NOS1: variants seen among roughly 807,000 people sequenced by gnomAD.
NOS1 encodes NOS type I.
In NOS1, 51 loss-of-function variants were observed where a neutral mutation model predicts 164.5. That is an observed-to-expected ratio of 0.31 (90% confidence interval 0.25 to 0.39). The LOEUF is 0.39. Among genes scored for constraint, NOS1 ranks in the 10% least tolerant of loss-of-function variants. The pLI is 1.00. For missense variants in NOS1, 1,362 were observed against 1,885.6 expected (o/e 0.72, Z 5.14); for synonymous variants, 719 against 745.8 (o/e 0.96, Z 0.59).
At chr12:117,338,468 T>C (rs972478657) in intron 1 of NOS1, among the ~76,000 whole-genome samples, 1 of 95,488 alleles carries the variant, frequency 1.0e-5, no homozygotes, top group African/African-American at 4.4e-5. Context: ...TGGGGACTGT[T>C]GTGGGGTGGG....
Position 117,210,693 on chromosome 12 carries a change from G to C in NOS1, c.*4616C>G. On this transcript the variant is annotated 3_prime_UTR_variant, in exon 29 of 29. Transcript: ENST00000317775. Reference sequence around the variant, plus strand: ...CTCACTTGTTTTGAGCTTAGGGCAAGACCTGACCTCTTTCAAAGTCCAGAG... The same window carrying C: ...CTCACTTGTTTTGAGCTTAGGGCAACACCTGACCTCTTTCAAAGTCCAGAG... 1.0e-6 allele frequency: 1 copy of C among 985,450 alleles called. No individual in the cohort carries two copies. Among genetic ancestry groups the C allele is most frequent in the Non-Finnish European group, 1.2e-6 (1 of 829,952 alleles). The allele number at this position is 985,450 out of a possible 1,614,324, so 61.0% of individuals were successfully genotyped here.
chr12:117,301,152 G>C (rs1257086583), intron 3 of NOS1, among the ~76,000 whole-genome samples: 1 of 152,146 alleles, frequency 6.6e-6, no homozygotes, highest in African/African-American at 2.4e-5. Context: ...TCTTGAGATG[G>C]AGTCTCACTC....
At chr12:117,310,991 GAGTAGCTGGGACTAC>G (rs1874402941) in intron 3 of NOS1, among the ~76,000 whole-genome samples, 1 of 151,976 alleles carries the variant, frequency 6.6e-6, no homozygotes, top group Non-Finnish European at 1.5e-5. Context: ...TCAGCCTCCT[GAGTAGCTGGGACTAC>G]AGGCGCCCGC....
chr12:117,279,612 A>G lies in NOS1; in HGVS notation c.1524+1113T>C, dbSNP rs9658371. On this transcript the variant is annotated intron_variant, in intron 8 of 28. Transcript: ENST00000317775. ...ATGATTCTTTGTGCTTAGTAAAAAG[A>G]GGAAACACCAAATCATGGAACAGGA... 3.6e-3 allele frequency among the ~76,000 whole-genome samples: 554 copies of G among 152,324 alleles called. 4 individuals carry two copies. Among genetic ancestry groups the G allele is most frequent in the African/African-American group, 0.013 (533 of 41,582 alleles).
chr12:117,237,185 T>C (rs1869782625), intron 20 of NOS1, among the ~76,000 whole-genome samples: 1 of 151,828 alleles, frequency 6.6e-6, no homozygotes, highest in Non-Finnish European at 1.5e-5. Flanking sequence ...TGAGATGGAG[T>C]CTCTCTCTGT....
chr12:117,277,800 A>C (rs942431457), intron 9 of NOS1, among the ~76,000 whole-genome samples, 159 bp downstream of exon 9: 1 of 151,964 alleles, frequency 6.6e-6, no homozygotes, highest in Non-Finnish European at 1.5e-5. Context: ...GAGGGAACTC[A>C]CTCTGCCCAA....
rs778850458 is a variant in NOS1, at chr12:117,280,874, G to A, written c.1383-8C>T. ...AATATGGTGATGGCAGACCTGTGGTGGAGAGAGGGGAACACCCGGCATCAG... is the reference window on the plus strand; with the variant it reads ...AATATGGTGATGGCAGACCTGTGGTAGAGAGAGGGGAACACCCGGCATCAG... On this transcript the variant is annotated splice_polypyrimidine_tract_variant and splice_region_variant and intron_variant, in intron 7 of 28. Transcript: ENST00000317775. 2 of 1,613,436 alleles carry A rather than the reference G, an allele frequency of 1.2e-6. No homozygotes were observed. Among genetic ancestry groups the A allele is most frequent in the Non-Finnish European group, 1.7e-6 (2 of 1,179,628 alleles).
intron 13 of NOS1, 91 bp from the exon 14 acceptor site, chr12:117,260,700 A>G: frequency 7.2e-7 from 1 of 1,385,720 alleles, no homozygotes; most frequent in Admixed American, 2.0e-5. Flanking sequence ...ACCAGGATCC[A>G]TGAAATATAA....
intron 1 of NOS1, among the ~76,000 whole-genome samples, chr12:117,332,120 T>C (rs1875578082): frequency 6.6e-6 from 1 of 152,198 alleles, no homozygotes; most frequent in South Asian, 2.1e-4. Flanking sequence ...TGGAAGACAC[T>C]TGTGCTCCAC....
chr12:117,305,812 G>C (rs1002739655), intron 3 of NOS1, among the ~76,000 whole-genome samples: 6 of 148,962 alleles, frequency 4.0e-5, no homozygotes, highest in Non-Finnish European at 5.9e-5. Context: ...TTTTTCCTGA[G>C]GCGGAGTCTC....
chr12:117,260,203 A>G (rs920289773), intron 14 of NOS1, among the ~76,000 whole-genome samples: 2 of 152,108 alleles, frequency 1.3e-5, no homozygotes, highest in Non-Finnish European at 2.9e-5. Context: ...AGCTTCCCAA[A>G]CTGACCTCAG....
At chr12:117,341,589 T>C (rs539170015) in intron 1 of NOS1, among the ~76,000 whole-genome samples, 1 of 152,276 alleles carries the variant, frequency 6.6e-6, no homozygotes, top group African/African-American at 2.4e-5. Context: ...GTTCTTAAGT[T>C]CCTTCTATCC....
intron 22 of NOS1, among the ~76,000 whole-genome samples, chr12:117,229,539 T>C (rs1461658582): frequency 6.7e-6 from 1 of 149,880 alleles, no homozygotes; most frequent in East Asian, 1.9e-4. Flanking sequence ...AATGAACTAA[T>C]ACATATGGGT....
chr12:117,230,568 G>A (rs1403893953), intron 22 of NOS1, among the ~76,000 whole-genome samples: 1 of 152,154 alleles, frequency 6.6e-6, no homozygotes, highest in Non-Finnish European at 1.5e-5. Context: ...AGAAAGCTAA[G>A]CCATCCTGTG....
intron 28 of NOS1, among the ~76,000 whole-genome samples, chr12:117,217,213 G>A (rs1956625482): frequency 6.6e-6 from 1 of 152,166 alleles, no homozygotes; most frequent in African/African-American, 2.4e-5. Flanking sequence ...CAGCCATTTA[G>A]GGGATGAGAG....
intron 13 of NOS1, 130 bp downstream of exon 13, chr12:117,263,759 G>T: frequency 1.5e-6 from 1 of 670,906 alleles, no homozygotes; most frequent in Non-Finnish European, 2.6e-6. Context: ...AGGCCCAGGT[G>T]GCTGAAGAAG....
chr12:117,256,526 C>T (rs915133482), intron 16 of NOS1, among the ~76,000 whole-genome samples: 1 of 151,632 alleles, frequency 6.6e-6, no homozygotes, highest in Non-Finnish European at 1.5e-5. Context: ...GATCCTCTCG[C>T]CTCAGCCTCC....
rs778193628 is a variant in NOS1, at chr12:117,288,191, A to G, written c.1010T>C (p.Met337Thr). 3 of 1,613,846 alleles carry G rather than the reference A, an allele frequency of 1.9e-6. No homozygotes were observed. Among genetic ancestry groups the G allele is most frequent in the Non-Finnish European group, 2.5e-6 (3 of 1,180,006 alleles). The change falls in exon 5 of 29, where the codon ATG becomes ACG. Residue 337 changes from methionine (M) to threonine (T), a missense_variant. Physicochemically the swap from Met to Thr is moderately conservative, Grantham distance 81. Transcript: ENST00000317775. ...LETGCTEYIC[M>T]GSIMHPSQHA... is the part of the protein sequence containing the mutation. Reference sequence around the variant, plus strand: ...CTGAGAAGGATGCATGATGGAGCCCATGCAGATGTACTCAGTGCATCCCGT... The same window carrying G: ...CTGAGAAGGATGCATGATGGAGCCCGTGCAGATGTACTCAGTGCATCCCGT...
intron 1 of NOS1, among the ~76,000 whole-genome samples, chr12:117,349,275 T>A (rs553276225): frequency 6.6e-6 from 1 of 152,252 alleles, no homozygotes; most frequent in Non-Finnish European, 1.5e-5. Flanking sequence ...GGTTCATCCA[T>A]GTTACAGCAT....
Sources: allele counts gnomAD v4.1 joint callset (sites outside exome capture counted in the v4.1 genomes callset), GRCh38; gene constraint gnomAD v4.1.1; transcripts MANE v1.5; gene names NCBI Gene and HGNC (gene_info 2026-07-23, HGNC 2026-07-21).